The following PTPRS variants were observed in gnomAD, a reference collection of about 807,000 sequenced individuals.
PTPRS encodes protein tyrosine phosphatase receptor type S.
Under a neutral mutation model 215.3 loss-of-function variants are expected in PTPRS, and 63 were observed. The observed-to-expected ratio is 0.29, with a 90% CI of 0.24 to 0.36. PTPRS has a LOEUF of 0.36. Among genes scored for constraint, PTPRS ranks in the 10% least tolerant of loss-of-function variants. The pLI, the probability that PTPRS is intolerant of heterozygous loss-of-function variation, is 1.00. For synonymous variants in PTPRS, 1,404 were observed against 1,191.4 expected, an observed-to-expected ratio of 1.18 and a Z score of -3.68; for missense variants, 2,258 against 2,825.8, an observed-to-expected ratio of 0.80 and a Z score of 4.56.
At chr19:5,239,091 A>T in intron 12 of PTPRS, 28 bp from the exon 13 acceptor site, 1 of 1,503,784 alleles carries the variant, frequency 6.6e-7, no homozygotes, top group Middle Eastern at 1.8e-4. Context: ...AAGGACAGAG[A>T]GGGATGGGGG....
chr19:5,274,576 G>A (rs1192933891), intron 2 of PTPRS, among the ~76,000 whole-genome samples: 1 of 151,350 alleles, frequency 6.6e-6, no homozygotes, highest in Non-Finnish European at 1.5e-5. Flanking sequence ...ACCTGCAACA[G>A]CCACACCTGC....
At chr19:5,222,559 ACTTGC>A (rs1416144680) in intron 18 of PTPRS, 125 bp downstream of exon 18, 3 of 1,099,534 alleles carry the variant, frequency 2.7e-6, no homozygotes, top group South Asian at 1.7e-5. Flanking sequence ...CGGGGTCCGG[ACTTGC>A]CTTGAGTGAC....
intron 17 of PTPRS, among the ~76,000 whole-genome samples, chr19:5,225,045 C>T (rs978872148): frequency 5.3e-5 from 8 of 152,228 alleles, no homozygotes; most frequent in South Asian, 2.1e-4. Flanking sequence ...CTGTGCCCTC[C>T]GCCCGGTGTA....
In PTPRS at chr19:5,305,763, A is replaced by AT. The variant is rs1336026523; in HGVS notation, c.-94-19530dup. 8.3e-3 allele frequency among the ~76,000 whole-genome samples: 944 copies of AT among 113,628 alleles called. 6 individuals carry two copies. The highest frequency in any genetic ancestry group is 0.011 in the Non-Finnish European group (649 of 58,606). 74.5% of individuals were successfully genotyped at this position (113,628 alleles called of 152,430 possible). A position where few individuals can be genotyped will look rare whatever the true frequency, so the allele number is the denominator to read the frequency against. ...AATAAATAAATATATATATATATAT[A>AT]TATTTTTTTTTTAAAGGCAAATTCC... On this transcript the variant is annotated intron_variant, in intron 1 of 37. Transcript: ENST00000262963.
In PTPRS at chr19:5,340,098, G is replaced by A. The variant is rs192912003; in HGVS notation, c.-95+566C>T. Among the ~76,000 whole-genome samples the A allele has an allele frequency of 4.4e-3, 665 of 151,910 alleles. 3 individuals are homozygous for A. Among genetic ancestry groups the A allele is most frequent in the Middle Eastern group, 0.01 (3 of 292 alleles). On this transcript the variant is annotated intron_variant, in intron 1 of 37. Transcript: ENST00000262963. ...CTCCAGGGGAGGGAGACCCGGAGAG[G>A]GAAGGCGGCGGGCGCAGCAGCCCTG...
chr19:5,325,265 C>A (rs1224294652), intron 1 of PTPRS, among the ~76,000 whole-genome samples: 1 of 152,252 alleles, frequency 6.6e-6, no homozygotes, highest in Non-Finnish European at 1.5e-5. Flanking sequence ...TTATTTACGC[C>A]ATGGGTCAGC....
At chr19:5,268,096 G>A (rs1472689249) in intron 4 of PTPRS, among the ~76,000 whole-genome samples, 1 of 152,062 alleles carries the variant, frequency 6.6e-6, no homozygotes, top group Non-Finnish European at 1.5e-5. Flanking sequence ...CGTGAAGCCG[G>A]GAGGCGGACT....
intron 1 of PTPRS, among the ~76,000 whole-genome samples, chr19:5,302,648 G>C (rs543553321): frequency 6.6e-6 from 1 of 152,176 alleles, no homozygotes; most frequent in Non-Finnish European, 1.5e-5. Flanking sequence ...CTTCCCTGAC[G>C]TGTTAGGAGC....
rs745426688 is a variant in PTPRS at position 5,223,141 on chromosome 19, G to A, written c.2651C>T (p.Pro884Leu). The A allele has an allele frequency of 2.0e-5, 31 of 1,570,450 alleles. No homozygotes were observed. Among genetic ancestry groups the A allele is most frequent in the Admixed American group, 1.5e-4 (8 of 54,832 alleles). ...TGCCGTGTAGCGGTCCTCGGAGGGC[G>A]GGAACTCCAGGGTGGCCAGGGGCGT... ...DSTPLATLEF[P>L]PSEDRYTASG... Residue 884 changes from proline to leucine, a missense_variant, in exon 18 of 38, where the codon CCG (proline) becomes CTG (leucine). Physicochemically the swap from Pro to Leu is moderately conservative, Grantham distance 98 (BLOSUM62 -3). This residue lies in a region of PTPRS where 361 missense variants were observed against 332.6 expected (regional missense o/e 1.09). Coordinates refer to ENST00000262963, the MANE Select transcript of PTPRS (RefSeq NM_002850.4).
In PTPRS at chr19:5,218,519, A is replaced by T; in HGVS notation, c.3949T>A (p.Ser1317Thr). 1 of 1,614,106 alleles carries T rather than the reference A, an allele frequency of 6.2e-7. No individual in the cohort carries two copies. Among genetic ancestry groups the T allele is most frequent in the Non-Finnish European group, 8.5e-7 (1 of 1,180,010 alleles). ...AGGAGGCATTTGGTGCGGGGTTCTG[A>T]GTCCTTGCGTTTACTTTAGGAGAAG... ...KNKPDSKRKD[S>T]EPRTKCLLNN... Residue 1317 changes from serine to threonine, a missense_variant, in exon 25 of 38, where the codon TCA becomes ACA. Physicochemically the swap from Ser to Thr is moderately conservative, Grantham distance 58 (BLOSUM62 1). This residue lies in a region of PTPRS where 927 missense variants were observed against 1,125.9 expected (regional missense o/e 0.82). Coordinates refer to ENST00000262963, the MANE Select transcript of PTPRS (RefSeq NM_002850.4).
In PTPRS at chr19:5,220,994, G is replaced by A; in HGVS notation, c.3455+6C>T. The A allele has an allele frequency of 1.2e-6, 2 of 1,601,128 alleles. No homozygotes were observed. The highest frequency in any genetic ancestry group is 1.7e-6 in the Non-Finnish European group (2 of 1,171,898). On this transcript the variant is annotated splice_donor_region_variant and intron_variant, in intron 20 of 37. Transcript: ENST00000262963. ...CAAGGAACCCGGAGCATGGGGGTGAGCATACTGGACAGGCACGGGGCTCTG... is the reference window on the plus strand; with the variant it reads ...CAAGGAACCCGGAGCATGGGGGTGAACATACTGGACAGGCACGGGGCTCTG...
chr19:5,297,862 G>A (rs1372426756), intron 1 of PTPRS, among the ~76,000 whole-genome samples: 2 of 146,992 alleles, frequency 1.4e-5, no homozygotes, highest in African/African-American at 2.5e-5. Context: ...GCACGATCTC[G>A]GCTCACTGCA....
At chr19:5,211,861 C>T in intron 32 of PTPRS, 93 bp from the exon 33 acceptor site, 1 of 1,572,156 alleles carries the variant, frequency 6.4e-7, no homozygotes, top group African/African-American at 1.3e-5. Flanking sequence ...GGTAGGGGCA[C>T]CCTGCCACCA....
rs2040946861 is a variant in PTPRS, at chr19:5,212,035, T to C, written c.4985A>G (p.Tyr1662Cys). Residue 1662 changes from tyrosine (Y) to cysteine (C), a missense_variant, in exon 32 of 38, where the codon TAT (tyrosine) becomes TGT (cysteine). By Grantham distance (194) the Tyr-to-Cys change is radical. Coordinates refer to ENST00000262963, the MANE Select transcript of PTPRS (RefSeq NM_002850.4). The part of the protein sequence containing the change: ...GNTEVPARSL[Y>C]AYIQKLAQVE... Reference sequence around the variant, plus strand: ...CTGGGCCAGCTTCTGGATGTAGGCATAGAGGCTGCGTGCGGGCACTTCTGT... The same window carrying C: ...CTGGGCCAGCTTCTGGATGTAGGCACAGAGGCTGCGTGCGGGCACTTCTGT... 2.5e-6 allele frequency: 4 copies of C among 1,613,968 alleles called. No individual in the cohort carries two copies. The East Asian group carries it at 6.7e-5, about 27-fold the overall frequency.
intron 1 of PTPRS, among the ~76,000 whole-genome samples, chr19:5,315,880 C>T (rs2147184457): frequency 1.3e-5 from 2 of 152,008 alleles, no homozygotes; most frequent in Non-Finnish European, 2.9e-5. Flanking sequence ...ATCCTCCCAC[C>T]TCAGCCTCCT....
chr19:5,256,725 C>T (rs2045581631), intron 8 of PTPRS, among the ~76,000 whole-genome samples: 1 of 152,156 alleles, frequency 6.6e-6, no homozygotes, highest in Non-Finnish European at 1.5e-5. Context: ...TACCCACCAC[C>T]CGTCCATACA....
In PTPRS at chr19:5,219,817, C is replaced by T. The variant is rs1599432911; in HGVS notation, c.3765+122G>A. Reference sequence around the variant, plus strand: ...TCCCTCCGCTCCCAAGTCTTCCCCTCTGCCCAGCTCTGACCACAGGGAGCT... The same window carrying T: ...TCCCTCCGCTCCCAAGTCTTCCCCTTTGCCCAGCTCTGACCACAGGGAGCT... On this transcript the variant is annotated intron_variant, in intron 22 of 37. Transcript: ENST00000262963. The T allele has an allele frequency of 5.3e-6, 6 of 1,142,674 alleles. No homozygotes were observed. The East Asian group carries it at 9.5e-5, about 18-fold the overall frequency. The allele number at this position is 1,142,674 out of a possible 1,614,324, so 70.8% of individuals were successfully genotyped here.
chr19:5,245,351 C>T (rs978570931), intron 10 of PTPRS, among the ~76,000 whole-genome samples: 5 of 151,518 alleles, frequency 3.3e-5, no homozygotes, highest in South Asian at 2.1e-4. Context: ...TGCAGTAGTG[C>T]GATCATAGCT....
chr19:5,247,733 G>A (rs1256959750), intron 9 of PTPRS, among the ~76,000 whole-genome samples: 2 of 151,948 alleles, frequency 1.3e-5, no homozygotes, highest in Non-Finnish European at 2.9e-5. Flanking sequence ...GAGGTTCAAG[G>A]GGATAAAGGG....
Sources: allele counts gnomAD v4.1 joint callset (sites outside exome capture counted in the v4.1 genomes callset), GRCh38; gene constraint gnomAD v4.1.1; regional missense constraint gnomAD v4.1.1; transcripts MANE v1.5; gene names NCBI Gene and HGNC (gene_info 2026-07-23, HGNC 2026-07-21).